The following TMEM92 variants were observed in gnomAD, a reference collection of about 807,000 sequenced individuals.
TMEM92 encodes transmembrane protein 92.
TMEM92 carries 15 observed loss-of-function variants against 14.6 expected under a neutral mutation model. That is an observed-to-expected ratio of 1.03 (90% CI 0.69 to 1.58). The LOEUF (loss-of-function observed/expected upper bound fraction) is 1.58, where lower values mean the gene tolerates loss of function less well. Among genes scored for constraint, TMEM92 ranks in the 40% most tolerant of loss-of-function variants. The pLI, the probability that TMEM92 is intolerant of heterozygous loss-of-function variation, is 0.00. For missense variants in TMEM92, 174 were observed against 202.4 expected, an observed-to-expected ratio of 0.86 and a Z score of 0.85; for synonymous variants, 85 against 83.3, an observed-to-expected ratio of 1.02 and a Z score of -0.11.
upstream of TMEM92, among the ~76,000 whole-genome samples, chr17:50,274,270 G>C (rs566524691): frequency 3.0e-3 from 457 of 152,236 alleles, 6 homozygotes; most frequent in African/African-American, 0.011. Context: ...GCCCGGGACC[G>C]CTTTTTTAAA....
intron 2 of TMEM92, among the ~76,000 whole-genome samples, chr17:50,278,353 GGA>G (rs1910497036): frequency 6.6e-6 from 1 of 152,104 alleles, no homozygotes; most frequent in African/African-American, 2.4e-5. Flanking sequence ...GGCCCAACAG[GGA>G]GCCGTACTGG....
rs1157987294 is a variant in TMEM92 at position 50,278,871 on chromosome 17, C to T, written c.241C>T (p.Arg81Cys). Reference protein sequence around the residue: ...CICGLAKCFCRNCREPEPDSP... With the variant: ...CICGLAKCFCCNCREPEPDSP... ...CTGTGGCCTGGCTAAGTGCTTCTGT[C>T]GCAACTGCAGAGAGCCGGAGCCAGA... Residue 81 changes from arginine to cysteine, a missense_variant, in exon 4 of 5, where the codon CGC becomes TGC. By Grantham distance (180) the Arg-to-Cys change is radical. Transcript: ENST00000507382. 4.3e-6 allele frequency: 7 copies of T among 1,613,620 alleles called. No homozygotes were observed. Among genetic ancestry groups the T allele is most frequent in the African/African-American group, 2.7e-5 (2 of 74,818 alleles).
chr17:50,275,809 T>C (rs1268249055), intron 1 of TMEM92, among the ~76,000 whole-genome samples: 1 of 152,086 alleles, frequency 6.6e-6, no homozygotes, highest in Non-Finnish European at 1.5e-5. Context: ...CCTCGATTTG[T>C]CTCCAAGTTC....
chr17:50,272,590 C>T (rs963930006), upstream of TMEM92, among the ~76,000 whole-genome samples: 2 of 152,152 alleles, frequency 1.3e-5, no homozygotes, highest in Non-Finnish European at 2.9e-5. Flanking sequence ...CTTCCCTTCT[C>T]CAAGCTCACA....
chr17:50,279,510 A>T lies in TMEM92; in HGVS notation c.*202A>T. ...GTCCTGAGGGTTAGGCTGGAGTGAC[A>T]GTTTCCGCCCACCCCCCAGCCCAAG... On this transcript the variant is annotated 3_prime_UTR_variant, in exon 5 of 5. Coordinates refer to ENST00000507382, the MANE Select transcript of TMEM92 (RefSeq NM_153229.3). 1.9e-6 allele frequency: 1 copy of T among 532,196 alleles called. No homozygotes were observed. The highest frequency in any genetic ancestry group is 3.3e-6 in the Non-Finnish European group (1 of 301,288). The allele number at this position is 532,196 out of a possible 1,614,324, so 33.0% of individuals were successfully genotyped here.
rs1259367412 is a variant in TMEM92 at position 50,278,919 on chromosome 17, C to A, written c.289C>A (p.Pro97Thr). The change falls in exon 4 of 5, where the codon CCC becomes ACC. Residue 97 changes from proline to threonine, a missense_variant. Coordinates refer to ENST00000507382, the MANE Select transcript of TMEM92 (RefSeq NM_153229.3). ...EPDSPVDCRG[P>T]LELPSIIPPE... ...AGACAGCCCAGTGGATTGCCGGGGG[C>A]CCCTGGAACTGCCCTCCATCATCCC... The A allele has an allele frequency of 6.2e-7, 1 of 1,613,504 alleles. No homozygotes were observed. Among genetic ancestry groups the A allele is most frequent in the Non-Finnish European group, 8.5e-7 (1 of 1,179,622 alleles).
chr17:50,272,921 A>T (rs1910296338), upstream of TMEM92, among the ~76,000 whole-genome samples: 1 of 152,122 alleles, frequency 6.6e-6, no homozygotes, highest in Non-Finnish European at 1.5e-5. Context: ...GGGTGCGGAC[A>T]GATGGGAAGA....
chr17:50,274,118 A>G (rs1910337813), upstream of TMEM92, among the ~76,000 whole-genome samples: 1 of 151,914 alleles, frequency 6.6e-6, no homozygotes, highest in South Asian at 2.1e-4. Flanking sequence ...AGTTGGGATT[A>G]CAGGCACCCG....
chr17:50,274,604 G>T, intron 1 of TMEM92, 34 bp downstream of exon 1: 1 of 1,597,240 alleles, frequency 6.3e-7, no homozygotes, highest in Non-Finnish European at 8.5e-7. Context: ...TGAACTTTTG[G>T]GCCCTACCCT....
At chr17:50,279,044 G>A in intron 4 of TMEM92, 48 bp downstream of exon 4, 1 of 1,461,188 alleles carries the variant, frequency 6.8e-7, no homozygotes, top group Non-Finnish European at 9.5e-7. Flanking sequence ...CGGCTGTGCA[G>A]CAGAGACAGT....
rs2143067008 is a variant in TMEM92 at position 50,281,030 on chromosome 17, G to A, written c.*1722G>A. 6.6e-6 allele frequency: 1 copy of A among 152,390 alleles called. No homozygotes were observed. The highest frequency in any genetic ancestry group is 2.1e-4 in the South Asian group (1 of 4,830). The allele number at this position is 152,390 out of a possible 1,614,324, so 9.4% of individuals were successfully genotyped here. A position where few individuals can be genotyped will look rare whatever the true frequency, so the allele number is the denominator to read the frequency against. ...AGGATGTTGAGAAATGGGCTTGGGA[G>A]ACCTGGAGGAGAAGTTACCCTCGGC... On this transcript the variant is annotated 3_prime_UTR_variant, in exon 5 of 5. Transcript: ENST00000507382.
chr17:50,273,256 C>A (rs1598328162), upstream of TMEM92, among the ~76,000 whole-genome samples: 3 of 152,190 alleles, frequency 2.0e-5, no homozygotes. Flanking sequence ...TCGCCCAGCG[C>A]CCCCAGCCCA....
chr17:50,280,778 G>A lies in TMEM92; in HGVS notation c.*1470G>A, dbSNP rs1181330465. The A allele has an allele frequency of 6.6e-6, 1 of 152,396 alleles. No homozygotes were observed. The highest frequency in any genetic ancestry group is 2.4e-5 in the African/African-American group (1 of 41,434). 9.4% of individuals were successfully genotyped at this position (152,396 alleles called of 1,614,324 possible). ...AGATGCCAGGAACAGGGACTGTCCG[G>A]GTGTGGGTTCCCAGTGAGATAGGGC... On this transcript the variant is annotated 3_prime_UTR_variant, in exon 5 of 5. Coordinates refer to ENST00000507382, the MANE Select transcript of TMEM92 (RefSeq NM_153229.3).
At chr17:50,275,256 T>A (rs1192372168) in intron 1 of TMEM92, among the ~76,000 whole-genome samples, 1 of 151,916 alleles carries the variant, frequency 6.6e-6, no homozygotes. Flanking sequence ...GTCTAGAACA[T>A]GCATTTGTGT....
upstream of TMEM92, chr17:50,274,459 C>G (rs1910354593): frequency 1.2e-6 from 2 of 1,608,768 alleles, no homozygotes; most frequent in South Asian, 2.2e-5. Flanking sequence ...GGTCGCAGCC[C>G]CGCCTTCTCT....
chr17:50,280,055 G>T lies in TMEM92; in HGVS notation c.*747G>T, dbSNP rs1969512. The T allele has an allele frequency of 0.15, 22,843 of 152,272 alleles. 1,965 individuals are homozygous for T. The highest frequency in any genetic ancestry group is 0.36 in the East Asian group (1,866 of 5,172). 9.4% of individuals were successfully genotyped at this position (152,272 alleles called of 1,614,324 possible). On this transcript the variant is annotated 3_prime_UTR_variant, in exon 5 of 5. Transcript: ENST00000507382. ...GAAATGGGGTACGCGTGTCCCTTGT[G>T]TGGGTTTCCCAATCCCTTCCGCCCA...
intron 4 of TMEM92, 39 bp from the exon 5 acceptor site, chr17:50,279,156 C>A: frequency 6.3e-7 from 1 of 1,597,832 alleles, no homozygotes. Context: ...GTGGCCAGGG[C>A]CAGGGCCCAG....
At chr17:50,271,756 G>C (rs530172449), upstream of TMEM92, among the ~76,000 whole-genome samples, 14 of 152,266 alleles carry the variant, frequency 9.2e-5, no homozygotes, top group African/African-American at 3.1e-4. Flanking sequence ...ATATTGCATG[G>C]GCCCAGGTGT....
intron 4 of TMEM92, 69 bp from the exon 5 acceptor site, chr17:50,279,126 T>A (rs1910529122): frequency 6.5e-7 from 1 of 1,530,956 alleles, no homozygotes; most frequent in African/African-American, 1.4e-5. Context: ...TAACCATGCC[T>A]CAGCTGGGAT....
Sources: allele counts gnomAD v4.1 joint callset (sites outside exome capture counted in the v4.1 genomes callset), GRCh38; gene constraint gnomAD v4.1.1; transcripts MANE v1.5; gene names NCBI Gene and HGNC (gene_info 2026-07-23, HGNC 2026-07-21).